PTPN12: variants seen among roughly 807,000 people sequenced by gnomAD.
PTPN12 encodes tyrosine-protein phosphatase non-receptor type 12.
Under a neutral mutation model 97.6 loss-of-function variants are expected in PTPN12, and 29 were observed. The ratio of observed to expected loss-of-function variants is 0.30; its 90% CI spans 0.22 to 0.41. PTPN12 has a LOEUF of 0.41. Among genes scored for constraint, PTPN12 ranks in the 10% least tolerant of loss-of-function variants. The probability of loss-of-function intolerance (pLI) is 1.00; values close to 1 mark genes in which losing one functional copy is unlikely to be tolerated. For synonymous variants in PTPN12, 327 were observed against 300.4 expected (o/e 1.09, Z -0.91); for missense variants, 819 against 926.0 (o/e 0.88, Z 1.50).
chr7:77,543,905 C>T (rs567778696), intron 1 of PTPN12, among the ~76,000 whole-genome samples: 3 of 152,248 alleles, frequency 2.0e-5, no homozygotes, highest in East Asian at 1.9e-4. Context: ...TTTGTTTATC[C>T]ATTCATCGTG....
chr7:77,625,472 G>GCTCGCGCGCTCGCT, intron 12 of PTPN12, among the ~76,000 whole-genome samples: 1 of 33,522 alleles, frequency 3.0e-5, no homozygotes, highest in Non-Finnish European at 5.0e-5. Flanking sequence ...CAGGCTGCTC[G>GCTCGCGCGCTCGCT]CTCTCTCTCT....
intron 1 of PTPN12, among the ~76,000 whole-genome samples, chr7:77,555,477 A>G (rs1479037382): frequency 6.6e-6 from 1 of 151,656 alleles, no homozygotes; most frequent in Non-Finnish European, 1.5e-5. Context: ...GTTTTTTTCT[A>G]GTCTTTTTAA....
At chr7:77,622,844 TC>T (rs983557877) in intron 12 of PTPN12, among the ~76,000 whole-genome samples, 48 of 146,396 alleles carry the variant, frequency 3.3e-4, no homozygotes, top group African/African-American at 1.1e-3. Flanking sequence ...AATAAGGAAC[TC>T]CATTTTCCAA....
At chr7:77,594,166 T>A (rs541957371) in intron 6 of PTPN12, among the ~76,000 whole-genome samples, 1 of 152,240 alleles carries the variant, frequency 6.6e-6, no homozygotes, top group East Asian at 1.9e-4. Context: ...GTGGGGTAAA[T>A]GTAAAAATTT....
At chr7:77,635,669 T>TC (rs1789562422) in intron 14 of PTPN12, 113 bp from the exon 15 acceptor site, 2 of 579,128 alleles carry the variant, frequency 3.5e-6, no homozygotes, top group African/African-American at 3.9e-5. Context: ...TACAAAATTT[T>TC]TGTGGAAGCG....
intron 1 of PTPN12, among the ~76,000 whole-genome samples, chr7:77,539,602 TTTG>T (rs1806851594): frequency 6.6e-6 from 1 of 152,014 alleles, no homozygotes; most frequent in African/African-American, 2.4e-5. Context: ...TTTTTTGGGT[TTTG>T]TTGTTTGGTT....
Position 77,611,046 on chromosome 7 carries a change from G to A in PTPN12, c.939G>A (p.Val313=). 2 of 1,603,848 alleles carry A rather than the reference G, an allele frequency of 1.2e-6. No homozygotes were observed. Among genetic ancestry groups the A allele is most frequent in the Non-Finnish European group, 1.7e-6 (2 of 1,173,070 alleles). ...GAGCTCAGAAAATTGCTGATGGAGT[G>A]GTAGGTGTTCTTGGTCTATTAATTT... ...IHGAQKIADG[V]NEINTENMVS... Residue 313 remains valine, a splice_region_variant and synonymous_variant, in exon 11 of 18, where the codon GTG becomes GTA. Coordinates refer to ENST00000248594, the MANE Select transcript of PTPN12 (RefSeq NM_002835.4).
At chr7:77,625,468 G>GCGCGCTCTCTCT (rs1218191468) in intron 12 of PTPN12, among the ~76,000 whole-genome samples, 2 of 24,760 alleles carry the variant, frequency 8.1e-5, no homozygotes, top group Non-Finnish European at 6.4e-5. Flanking sequence ...TGCCCAGGCT[G>GCGCGCTCTCTCT]CTCGCTCTCT....
chr7:77,581,982 T>C (rs769926840), intron 3 of PTPN12, among the ~76,000 whole-genome samples: 6 of 152,120 alleles, frequency 3.9e-5, no homozygotes, highest in Non-Finnish European at 8.8e-5. Context: ...TGTAAAACTT[T>C]TGGCAGTTGT....
At chr7:77,597,372 C>G (rs1482739160) in intron 6 of PTPN12, among the ~76,000 whole-genome samples, 2 of 152,208 alleles carry the variant, frequency 1.3e-5, no homozygotes, top group Non-Finnish European at 2.9e-5. Flanking sequence ...ATCCACCTGC[C>G]TCAGCCTCCT....
chr7:77,602,603 T>C (rs944087485), intron 8 of PTPN12, among the ~76,000 whole-genome samples: 1 of 151,462 alleles, frequency 6.6e-6, no homozygotes, highest in South Asian at 2.1e-4. Flanking sequence ...CTGGGTGACA[T>C]AGTAGACCCT....
rs184252893 is a variant in PTPN12, at chr7:77,632,365, G to C, written c.2014G>C (p.Asp672His). The C allele has an allele frequency of 1.8e-5, 29 of 1,607,774 alleles. No homozygotes were observed. The Middle Eastern group carries it at 6.6e-4, about 37-fold the overall frequency. The change falls in exon 14 of 18, where the codon GAT (aspartate) becomes CAT (histidine). Residue 672 changes from aspartate (D) to histidine (H), a missense_variant. Physicochemically the swap from Asp to His is moderately conservative, Grantham distance 81. Coordinates refer to ENST00000248594, the MANE Select transcript of PTPN12 (RefSeq NM_002835.4). Reference sequence around the variant, plus strand: ...TAATTTAGATGTTGATGTTAGTGAAGATTCACCTCCTCCCCTACCTGAAAG... The same window carrying C: ...TAATTTAGATGTTGATGTTAGTGAACATTCACCTCCTCCCCTACCTGAAAG... ...GAEKDVDVSEDSPPPLPERTP... is the reference protein window; with the variant it reads ...GAEKDVDVSEHSPPPLPERTP...
intron 1 of PTPN12, among the ~76,000 whole-genome samples, chr7:77,560,146 C>T (rs1484383717): frequency 2.0e-5 from 3 of 152,164 alleles, no homozygotes; most frequent in Non-Finnish European, 4.4e-5. Context: ...TATTATAAAT[C>T]TCTGAATCCA....
intron 16 of PTPN12, 69 bp downstream of exon 16, chr7:77,637,117 GCT>G (rs1404810345): frequency 3.2e-6 from 4 of 1,246,730 alleles, no homozygotes; most frequent in Non-Finnish European, 4.6e-6. Context: ...AAAATAACAT[GCT>G]TCATAGTTCA....
Position 77,539,078 on chromosome 7 carries a change from T to C in PTPN12, c.99+1433T>C, listed in dbSNP as rs531886596. 9.2e-5 allele frequency among the ~76,000 whole-genome samples: 14 copies of C among 152,346 alleles called. No individual in the cohort carries two copies. In the South Asian group the frequency reaches 2.9e-3, roughly 32 times the overall value. ...TAGTTTTTATTTTTTGTTTAAAAAG[T>C]ACAGTAGTTTTTATGGTGGAGGTGA... On this transcript the variant is annotated intron_variant, in intron 1 of 17. Coordinates refer to ENST00000248594, the MANE Select transcript of PTPN12 (RefSeq NM_002835.4).
intron 2 of PTPN12, among the ~76,000 whole-genome samples, chr7:77,573,105 C>CAAAAAACAAAA (rs1787213816): frequency 2.1e-5 from 1 of 47,844 alleles, no homozygotes. Flanking sequence ...AACAAAAAAA[C>CAAAAAACAAAA]AAAAAAAACC....
At chr7:77,594,771 T>C (rs992003633) in intron 6 of PTPN12, among the ~76,000 whole-genome samples, 27 of 152,182 alleles carry the variant, frequency 1.8e-4, no homozygotes, top group African/African-American at 6.5e-4. Context: ...CCCAAAGTAC[T>C]AGGACTACAG....
At chr7:77,637,399 ATTG>A (rs1334175689) in intron 16 of PTPN12, among the ~76,000 whole-genome samples, 2 of 152,180 alleles carry the variant, frequency 1.3e-5, no homozygotes, top group Admixed American at 6.5e-5. Flanking sequence ...GTAGAAACCT[ATTG>A]TTTTAGAAAT....
At chr7:77,621,186 C>T (rs1345756928) in intron 12 of PTPN12, among the ~76,000 whole-genome samples, 1 of 151,918 alleles carries the variant, frequency 6.6e-6, no homozygotes, top group Admixed American at 6.6e-5. Flanking sequence ...TACACAGGGT[C>T]AGGATCATCA....
Sources: gnomAD v4.1 joint callset for allele counts (sites outside exome capture counted in the v4.1 genomes callset) on GRCh38, gnomAD v4.1.1 for gene constraint, MANE v1.5 for transcripts, NCBI Gene and HGNC (gene_info 2026-07-23, HGNC 2026-07-21) for gene names.